The following CMSS1 variants were observed in gnomAD, a reference collection of about 807,000 sequenced individuals.
CMSS1 encodes the protein cms1 ribosomal small subunit homolog, also known as protein CMSS1.
A neutral mutation model predicts 43.5 loss-of-function variants in CMSS1; 33 were observed. The ratio of observed to expected loss-of-function variants is 0.76; its 90% CI spans 0.57 to 1.01. The LOEUF is 1.01. CMSS1 is among the 50% of genes least tolerant of loss of function. The pLI is 0.00. For missense variants in CMSS1, 313 were observed against 326.4 expected (o/e 0.96, Z 0.32); for synonymous variants, 115 against 117.2 (o/e 0.98, Z 0.12).
At chr3:99,932,988 C>T (rs1019873755) in intron 1 of CMSS1, among the ~76,000 whole-genome samples, 1 of 152,148 alleles carries the variant, frequency 6.6e-6, no homozygotes, top group African/African-American at 2.4e-5. Context: ...CAGCATTTTC[C>T]ATGTATTAGC....
At chr3:99,978,934 GC>G (rs1709044868) in intron 1 of CMSS1, among the ~76,000 whole-genome samples, 1 of 152,100 alleles carries the variant, frequency 6.6e-6, no homozygotes, top group African/African-American at 2.4e-5. Flanking sequence ...ATTACTGGAG[GC>G]TGGGAGGAAA....
At chr3:99,916,476 A>ACG (rs1706957585) in intron 1 of CMSS1, among the ~76,000 whole-genome samples, 1 of 135,964 alleles carries the variant, frequency 7.4e-6, no homozygotes, top group Non-Finnish European at 1.6e-5. Flanking sequence ...ACACACACAC[A>ACG]CACACACACG....
At chr3:99,901,926 G>A (rs1379831333) in intron 1 of CMSS1, among the ~76,000 whole-genome samples, 1 of 151,868 alleles carries the variant, frequency 6.6e-6, no homozygotes, top group East Asian at 1.9e-4. Flanking sequence ...TTGTGTAGTA[G>A]GTACACAAAA....
chr3:100,134,743 C>T (rs972317695), intron 1 of CMSS1, among the ~76,000 whole-genome samples: 24 of 151,966 alleles, frequency 1.6e-4, no homozygotes, highest in African/African-American at 5.1e-4. Context: ...GGGAGGCTGC[C>T]GGCCACATGT....
chr3:100,144,539 G>GT (rs1212362844), intron 1 of CMSS1, among the ~76,000 whole-genome samples: 3 of 152,150 alleles, frequency 2.0e-5, no homozygotes, highest in African/African-American at 7.2e-5. Flanking sequence ...CATCACCCTG[G>GT]TAGGAGATGG....
At chr3:100,070,110 T>A (rs1364078147) in intron 1 of CMSS1, among the ~76,000 whole-genome samples, 1 of 152,250 alleles carries the variant, frequency 6.6e-6, no homozygotes, top group African/African-American at 2.4e-5. Context: ...GCCGTGGATT[T>A]GGACAGTGAT....
At chr3:99,955,029 G>A (rs1320381237) in intron 1 of CMSS1, among the ~76,000 whole-genome samples, 1 of 152,146 alleles carries the variant, frequency 6.6e-6, no homozygotes, top group Non-Finnish European at 1.5e-5. Context: ...TTATATAATG[G>A]TAAATGAAAG....
chr3:100,030,683 A>G (rs1219392279), intron 1 of CMSS1, among the ~76,000 whole-genome samples: 2 of 152,166 alleles, frequency 1.3e-5, no homozygotes, highest in African/African-American at 4.8e-5. Context: ...ACATTAAACC[A>G]GTATCCAATA....
chr3:100,049,947 A>C (rs2065342068), intron 1 of CMSS1, among the ~76,000 whole-genome samples: 1 of 152,184 alleles, frequency 6.6e-6, no homozygotes, highest in Non-Finnish European at 1.5e-5. Context: ...AACTGCACAG[A>C]GGGTCAGTGA....
chr3:100,141,686 TGTTGCCAGGG>T, intron 1 of CMSS1: 1 of 404,798 alleles, frequency 2.5e-6, no homozygotes, highest in Admixed American at 2.9e-5. Flanking sequence ...CATTTGCTGT[TGTTGCCAGGG>T]GTTGAAAAAG....
At chr3:100,024,505 A>G (rs956355660) in intron 1 of CMSS1, among the ~76,000 whole-genome samples, 14 of 152,092 alleles carry the variant, frequency 9.2e-5, no homozygotes, top group African/African-American at 3.4e-4. Flanking sequence ...GTCTCCTTAG[A>G]CTATTCAATG....
chr3:99,972,418 G>A (rs1158844082), intron 1 of CMSS1, among the ~76,000 whole-genome samples: 1 of 152,176 alleles, frequency 6.6e-6, no homozygotes, highest in East Asian at 1.9e-4. Flanking sequence ...CTGTCTTGCA[G>A]CAGCATCGGA....
At chr3:100,111,120 T>G (rs1453303568) in intron 1 of CMSS1, among the ~76,000 whole-genome samples, 1 of 152,110 alleles carries the variant, frequency 6.6e-6, no homozygotes, top group Non-Finnish European at 1.5e-5. Flanking sequence ...AGGCAGTAGC[T>G]TATATCTCTT....
chr3:99,930,837 G>A (rs1309239596), intron 1 of CMSS1: 1 of 1,612,430 alleles, frequency 6.2e-7, no homozygotes, highest in Non-Finnish European at 8.5e-7. Flanking sequence ...TCTGCTTGGT[G>A]GCCATTACCA....
rs146251154 is a variant in CMSS1, at chr3:100,130,501, G to C, written c.65-16472G>C. On this transcript the variant is annotated intron_variant, in intron 1 of 9. Coordinates refer to ENST00000421999, the MANE Select transcript of CMSS1 (RefSeq NM_032359.4). ...TCTGCTGGATCCTATGCTGCCTCCA[G>C]AACATACAAGGATGAAAGGACACAT... Among the ~76,000 whole-genome samples, 365 of 152,290 alleles carry C rather than the reference G, an allele frequency of 2.4e-3. 3 individuals carry two copies. The highest frequency in any genetic ancestry group is 3.9e-3 in the Non-Finnish European group (262 of 68,030).
At chr3:100,095,458 A>T (rs966117118) in intron 1 of CMSS1, among the ~76,000 whole-genome samples, 10 of 152,206 alleles carry the variant, frequency 6.6e-5, no homozygotes, top group African/African-American at 2.4e-4. Flanking sequence ...ATACATATTT[A>T]AAAACAATAT....
At position 100,003,923 on chromosome 3, in the gene CMSS1, C is replaced by T. The variant is rs115495554; in HGVS notation, c.65-143050C>T. Among the ~76,000 whole-genome samples the T allele has an allele frequency of 7.2e-3, 1,092 of 152,258 alleles. 4 individuals are homozygous for T. Among genetic ancestry groups the T allele is most frequent in the African/African-American group, 9.9e-3 (412 of 41,550 alleles). On this transcript the variant is annotated intron_variant, in intron 1 of 9. Transcript: ENST00000421999. ...GGCATAAAAATTTACATTGTGCAAA[C>T]AAGTCTTCTCAGGTTGTATTCAATG...
At chr3:99,888,268 A>T (rs1389065750) in intron 1 of CMSS1, among the ~76,000 whole-genome samples, 1 of 152,072 alleles carries the variant, frequency 6.6e-6, no homozygotes, top group Non-Finnish European at 1.5e-5. Context: ...TGGGAGGCTG[A>T]GGTGGGAGGA....
At chr3:99,971,512 G>A (rs930013873) in intron 1 of CMSS1, among the ~76,000 whole-genome samples, 4 of 152,198 alleles carry the variant, frequency 2.6e-5, no homozygotes, top group African/African-American at 9.7e-5. Context: ...AGGTCTCACA[G>A]GAGATGCAGA....
Sources: allele counts gnomAD v4.1 joint callset (sites outside exome capture counted in the v4.1 genomes callset), GRCh38; gene constraint gnomAD v4.1.1; transcripts MANE v1.5; gene names NCBI Gene and HGNC (gene_info 2026-07-23, HGNC 2026-07-21).